Variants in CNTN1 observed in about 807,000 individuals in gnomAD.
The protein encoded by CNTN1 is contactin 1, also known as contactin-1.
Under a neutral mutation model 126.4 loss-of-function variants are expected in CNTN1, and 38 were observed. The ratio of observed to expected loss-of-function variants is 0.30; its 90% CI spans 0.23 to 0.39. The LOEUF (loss-of-function observed/expected upper bound fraction) is 0.39. Among genes scored for constraint, CNTN1 ranks in the 10% least tolerant of loss-of-function variants. CNTN1 has a pLI of 1.00. For synonymous variants in CNTN1, 413 were observed against 422.6 expected, an observed-to-expected ratio of 0.98 and a Z score of 0.28; for missense variants, 1,009 against 1,248.4, an observed-to-expected ratio of 0.81 and a Z score of 2.89.
rs1451321171 is a variant in CNTN1 at position 40,936,904 on chromosome 12, C to T, written c.1109C>T (p.Ala370Val). ...PTIRWLKNGY[A>V]YHKGELRLYD... ...ATCCGATGGTTGAAAAATGGATATG[C>T]GGTATGTATGTTCAAGTGCTTTGCT... The change falls in exon 10 of 24, where the codon GCG (alanine) becomes GTG (valine). Residue 370 changes from alanine to valine, a missense_variant and splice_region_variant. Ala to Val is a moderately conservative substitution (Grantham distance 64). Transcript: ENST00000551295. 4.3e-6 allele frequency: 7 copies of T among 1,612,582 alleles called. No homozygotes were observed. In the East Asian group the frequency reaches 8.9e-5, roughly 21 times the overall value.
At chr12:40,710,052 A>C (rs1020353975) in intron 1 of CNTN1, among the ~76,000 whole-genome samples, 2 of 152,060 alleles carry the variant, frequency 1.3e-5, no homozygotes, top group Non-Finnish European at 2.9e-5. Context: ...AATCTTAATA[A>C]TTTTTAGCTT....
At chr12:40,852,996 G>A (rs571619804) in intron 1 of CNTN1, among the ~76,000 whole-genome samples, 12 of 151,844 alleles carry the variant, frequency 7.9e-5, no homozygotes, top group Non-Finnish European at 1.5e-4. Flanking sequence ...TTATTGGAAT[G>A]TATTTTCTCC....
At chr12:40,899,186 A>G (rs924760064) in intron 1 of CNTN1, among the ~76,000 whole-genome samples, 3 of 152,066 alleles carry the variant, frequency 2.0e-5, no homozygotes, top group Non-Finnish European at 4.4e-5. Flanking sequence ...CTGACATAGG[A>G]TTTTTTTCTG....
intron 1 of CNTN1, among the ~76,000 whole-genome samples, chr12:40,698,640 T>C (rs551825239): frequency 2.7e-4 from 41 of 152,182 alleles, no homozygotes; most frequent in Non-Finnish European, 4.7e-4. Flanking sequence ...AGTCGCCTTC[T>C]TCTAAGTACA....
chr12:41,000,176 A>C (rs986431868), intron 17 of CNTN1, among the ~76,000 whole-genome samples: 2 of 152,198 alleles, frequency 1.3e-5, no homozygotes, highest in African/African-American at 4.8e-5. Flanking sequence ...GTCTGTTCCA[A>C]ATAAAAAGGC....
At chr12:40,694,773 T>C (rs1470068401) in intron 1 of CNTN1, among the ~76,000 whole-genome samples, 1 of 152,220 alleles carries the variant, frequency 6.6e-6, no homozygotes, top group Non-Finnish European at 1.5e-5. Flanking sequence ...TTCCTGATGA[T>C]CTGATTTGGA....
intron 1 of CNTN1, among the ~76,000 whole-genome samples, chr12:40,886,907 G>T (rs926090795): frequency 2.6e-5 from 4 of 152,094 alleles, no homozygotes; most frequent in African/African-American, 7.2e-5. Context: ...TGAGGGCTCT[G>T]TTCTGTTCCA....
At position 40,707,046 on chromosome 12, in the gene CNTN1, GCACACACACACACACACA is replaced by G. The variant is rs59993134; in HGVS notation, c.-77+14480_-77+14497del. ...TAAAGACGTGCGCGCGCGCGCTTGC[GCACACACACACACACACA>G]CACACACACACACACACACACACAC... On this transcript the variant is annotated intron_variant, in intron 1 of 23. Coordinates refer to ENST00000551295, the MANE Select transcript of CNTN1 (RefSeq NM_001843.4). Among the ~76,000 whole-genome samples the G allele has an allele frequency of 9.4e-3, 1,406 of 149,412 alleles. 9 individuals are homozygous for G. The highest frequency in any genetic ancestry group is 0.024 in the Middle Eastern group (7 of 290).
intron 18 of CNTN1, among the ~76,000 whole-genome samples, chr12:41,014,771 T>C (rs1051847703): frequency 2.6e-5 from 4 of 152,192 alleles, no homozygotes; most frequent in Non-Finnish European, 4.4e-5. Flanking sequence ...GACTAGTTAC[T>C]GAGGTATCCA....
intron 23 of CNTN1, among the ~76,000 whole-genome samples, chr12:41,063,786 G>A (rs1479452990): frequency 6.6e-6 from 1 of 152,186 alleles, no homozygotes; most frequent in East Asian, 1.9e-4. Flanking sequence ...TTTTTCATTA[G>A]TGTTGGGGTA....
chr12:40,916,724 A>C (rs1447312634), intron 3 of CNTN1, among the ~76,000 whole-genome samples: 5 of 152,050 alleles, frequency 3.3e-5, no homozygotes, highest in African/African-American at 1.2e-4. Flanking sequence ...TTGTAATCTT[A>C]ATAATAATTG....
At chr12:40,771,068 T>C (rs192490229) in intron 1 of CNTN1, among the ~76,000 whole-genome samples, 1 of 152,202 alleles carries the variant, frequency 6.6e-6, no homozygotes, top group East Asian at 1.9e-4. Flanking sequence ...AGTCTGTCCA[T>C]GTACTAAAGA....
intron 3 of CNTN1, among the ~76,000 whole-genome samples, chr12:40,912,151 G>A (rs985329145): frequency 3.9e-5 from 6 of 152,032 alleles, no homozygotes; most frequent in African/African-American, 1.4e-4. Flanking sequence ...GAAAAACAAA[G>A]TACATAAAAG....
intron 1 of CNTN1, among the ~76,000 whole-genome samples, chr12:40,743,000 A>G (rs1308010153): frequency 6.6e-6 from 1 of 152,138 alleles, no homozygotes; most frequent in Admixed American, 6.6e-5. Flanking sequence ...AGTTAAATAT[A>G]TGAAAACTGT....
At chr12:40,952,106 C>T (rs1416493397) in intron 14 of CNTN1, among the ~76,000 whole-genome samples, 3 of 116,086 alleles carry the variant, frequency 2.6e-5, no homozygotes, top group African/African-American at 4.0e-5. Flanking sequence ...TATGAAGAAG[C>T]ACCACATCTA....
chr12:40,843,676 T>C (rs1324074272), intron 1 of CNTN1, among the ~76,000 whole-genome samples: 1 of 152,226 alleles, frequency 6.6e-6, no homozygotes, highest in Non-Finnish European at 1.5e-5. Flanking sequence ...GACCCACTCA[T>C]ACTTAAAGGG....
intron 1 of CNTN1, among the ~76,000 whole-genome samples, chr12:40,841,471 C>A (rs1436493036): frequency 6.6e-6 from 1 of 151,950 alleles, no homozygotes; most frequent in East Asian, 1.9e-4. Flanking sequence ...CAGACAAGAA[C>A]ACAACAAAAC....
chr12:40,735,576 A>G (rs1937635721), intron 1 of CNTN1, among the ~76,000 whole-genome samples: 2 of 152,108 alleles, frequency 1.3e-5, no homozygotes, highest in South Asian at 2.1e-4. Flanking sequence ...GAGACCAAAG[A>G]TACTTCCTCT....
chr12:40,830,124 A>T (rs779291997), intron 1 of CNTN1, among the ~76,000 whole-genome samples: 2 of 152,120 alleles, frequency 1.3e-5, no homozygotes, highest in Non-Finnish European at 2.9e-5. Flanking sequence ...TCTTCTTTCT[A>T]GTCTCAACCC....
Sources: gnomAD v4.1 joint callset for allele counts (sites outside exome capture counted in the v4.1 genomes callset) on GRCh38, gnomAD v4.1.1 for gene constraint, MANE v1.5 for transcripts, NCBI Gene and HGNC (gene_info 2026-07-23, HGNC 2026-07-21) for gene names.